Variants in ACACB observed in about 807,000 individuals in gnomAD.
ACACB encodes acetyl-CoA carboxylase beta, also known as acetyl-CoA carboxylase 2.
In ACACB, 209 loss-of-function variants were observed where a neutral mutation model predicts 278.8. The observed-to-expected ratio is 0.75, with a 90% CI of 0.67 to 0.84. The LOEUF (loss-of-function observed/expected upper bound fraction) is 0.84, where lower values mean the gene tolerates loss of function less well. Among genes scored for constraint, ACACB ranks in the 40% least tolerant of loss-of-function variants. The pLI is 0.00. For missense variants in ACACB, 2,850 were observed against 3,269.0 expected, an observed-to-expected ratio of 0.87 and a Z score of 3.13; for synonymous variants, 1,174 against 1,285.6, an observed-to-expected ratio of 0.91 and a Z score of 1.86.
intron 4 of ACACB, 69 bp from the exon 5 acceptor site, chr12:109,171,736 C>A: frequency 8.5e-7 from 1 of 1,180,582 alleles, no homozygotes; most frequent in Non-Finnish European, 1.3e-6. Context: ...ATAGTCACAT[C>A]TTGTAATGTT....
At chr12:109,167,641 ATATATATATATATT>A (rs1218235179) in intron 3 of ACACB, among the ~76,000 whole-genome samples, 3 of 135,098 alleles carry the variant, frequency 2.2e-5, no homozygotes, top group Admixed American at 1.5e-4. Context: ...ATATATATAT[ATATATATATATATT>A]TCAGACAAAC....
Position 109,172,325 on chromosome 12 carries a change from G to A in ACACB, c.1086G>A (p.Glu362=). The change falls in exon 6 of 53, where the codon GAG becomes GAA. Residue 362 remains glutamate, a synonymous_variant. Coordinates refer to ENST00000338432, the MANE Select transcript of ACACB (RefSeq NM_001093.4). ...GHASENPKLP[E]LLCKNGVAFL... is the part of the protein sequence containing the mutation. ...CTTCAGAAAACCCTAAACTTCCGGA[G>A]CTGCTGTGCAAGAATGGAGTTGCTT... The A allele has an allele frequency of 1.2e-6, 2 of 1,614,166 alleles. No homozygotes were observed. The highest frequency in any genetic ancestry group is 1.7e-6 in the Non-Finnish European group (2 of 1,180,046).
At chr12:109,137,537 G>C (rs2042996581) in intron 1 of ACACB, among the ~76,000 whole-genome samples, 1 of 151,860 alleles carries the variant, frequency 6.6e-6, no homozygotes, top group Admixed American at 6.6e-5. Context: ...GGGGGCACCT[G>C]TAATCCCAGC....
At chr12:109,196,026 A>G (rs946316918) in intron 16 of ACACB, among the ~76,000 whole-genome samples, 1 of 152,216 alleles carries the variant, frequency 6.6e-6, no homozygotes, top group African/African-American at 2.4e-5. Flanking sequence ...ATTACAAATA[A>G]TGCTGCAATA....
In ACACB at chr12:109,251,019, C is replaced by T. The variant is rs565186732; in HGVS notation, c.5790+915C>T. 5.5e-4 allele frequency among the ~76,000 whole-genome samples: 83 copies of T among 152,248 alleles called. 4 individuals carry two copies. Among genetic ancestry groups the T allele is most frequent in the South Asian group, 1.0e-3 (5 of 4,822 alleles). On this transcript the variant is annotated intron_variant, in intron 41 of 52. Coordinates refer to ENST00000338432, the MANE Select transcript of ACACB (RefSeq NM_001093.4). Reference sequence around the variant, plus strand: ...CAGCACTTAGGAGGGGCCGCATGAACAGTGTGTTTACTGAAGTTGTGTGCA... The same window carrying T: ...CAGCACTTAGGAGGGGCCGCATGAATAGTGTGTTTACTGAAGTTGTGTGCA...
At chr12:109,132,929 T>C (rs763365319) in intron 1 of ACACB, among the ~76,000 whole-genome samples, 3 of 152,298 alleles carry the variant, frequency 2.0e-5, no homozygotes, top group Non-Finnish European at 4.4e-5. Context: ...GCCTCCGCTG[T>C]ACAACTTGCA....
At chr12:109,118,035 C>A (rs1334237319) in intron 1 of ACACB, among the ~76,000 whole-genome samples, 1 of 152,178 alleles carries the variant, frequency 6.6e-6, no homozygotes, top group African/African-American at 2.4e-5. Flanking sequence ...CAGGCATGAG[C>A]CACCGCGCCT....
intron 1 of ACACB, among the ~76,000 whole-genome samples, chr12:109,135,542 T>C (rs1234449514): frequency 2.0e-5 from 3 of 151,740 alleles, no homozygotes. Flanking sequence ...AATTTACCTA[T>C]TTTTTCTTAT....
intron 44 of ACACB, 36 bp downstream of exon 44, chr12:109,254,370 CG>C (rs1739085929): frequency 6.4e-7 from 1 of 1,574,628 alleles, no homozygotes; most frequent in African/African-American, 1.6e-5. Flanking sequence ...GACCTGGTCT[CG>C]GGTTTCTTTC....
chr12:109,188,234 C>CTTCT (rs1378596057), intron 13 of ACACB, 72 bp downstream of exon 13: 1 of 1,320,116 alleles, frequency 7.6e-7, no homozygotes, highest in East Asian at 2.5e-5. Context: ...TCCTTCCTTC[C>CTTCT]CTCTCTCCCT....
chr12:109,166,906 C>G lies in ACACB; in HGVS notation c.699C>G (p.His233Gln). The change falls in exon 3 of 53, where the codon CAC becomes CAG. Residue 233 changes from histidine (H) to glutamine (Q), a missense_variant. Physicochemically the swap from His to Gln is conservative, Grantham distance 24 (BLOSUM62 0). Coordinates refer to ENST00000338432, the MANE Select transcript of ACACB (RefSeq NM_001093.4). Reference protein sequence around the residue: ...GLHLVKRGREHKKLDLHRDFT... With the variant: ...GLHLVKRGREQKKLDLHRDFT... ...ACCTGGTGAAGAGGGGACGGGAACA[C>G]AAGAAGCTGGACCTGCACAGAGACT... 3 of 1,614,068 alleles carry G rather than the reference C, an allele frequency of 1.9e-6. No individual in the cohort carries two copies. The highest frequency in any genetic ancestry group is 1.6e-4 in the Middle Eastern group (1 of 6,062).
At position 109,241,074 on chromosome 12, in the gene ACACB, G is replaced by A. The variant is rs371476953; in HGVS notation, c.4819-4G>A. Reference sequence around the variant, plus strand: ...GAAACTGGAATTGCTGTGTTTTGGGGCAGATCGAGGAGTCCGTGCGCTACA... The same window carrying A: ...GAAACTGGAATTGCTGTGTTTTGGGACAGATCGAGGAGTCCGTGCGCTACA... On this transcript the variant is annotated splice_region_variant and splice_polypyrimidine_tract_variant and intron_variant, in intron 35 of 52. Coordinates refer to ENST00000338432, the MANE Select transcript of ACACB (RefSeq NM_001093.4). 9.9e-5 allele frequency: 159 copies of A among 1,613,176 alleles called. No individual in the cohort carries two copies. The African/African-American group carries it at 1.7e-3, about 18-fold the overall frequency.
Position 109,145,395 on chromosome 12 carries a change from C to T in ACACB, c.653+5337C>T, listed in dbSNP as rs147430703. 3.3e-3 allele frequency among the ~76,000 whole-genome samples: 500 copies of T among 152,242 alleles called. 6 individuals are homozygous for T. The highest frequency in any genetic ancestry group is 0.011 in the African/African-American group (475 of 41,534). ...GTGGTGAAGCCTGGGCTTTTACGAG[C>T]CATTGCTTGCATAGTGTACATTGTA... On this transcript the variant is annotated intron_variant, in intron 2 of 52. Coordinates refer to ENST00000338432, the MANE Select transcript of ACACB (RefSeq NM_001093.4).
intron 1 of ACACB, among the ~76,000 whole-genome samples, chr12:109,137,044 T>A (rs1473084176): frequency 1.3e-5 from 2 of 152,220 alleles, no homozygotes; most frequent in Non-Finnish European, 2.9e-5. Flanking sequence ...GTTGTTATCA[T>A]GAAAGGGTGT....
chr12:109,226,475 G>A (rs565368237), intron 27 of ACACB, among the ~76,000 whole-genome samples: 219 of 152,124 alleles, frequency 1.4e-3, no homozygotes, highest in Non-Finnish European at 2.6e-3. Flanking sequence ...CAAGGCGGGC[G>A]GATCACCTGA....
chr12:109,178,896 C>T (rs2044364268), intron 9 of ACACB, among the ~76,000 whole-genome samples, 192 bp from the exon 10 acceptor site: 1 of 152,206 alleles, frequency 6.6e-6, no homozygotes, highest in East Asian at 1.9e-4. Context: ...CCCCTTTCTC[C>T]TCGTTACTGT....
chr12:109,191,345 C>G (rs1766746198), intron 13 of ACACB: 1 of 334,616 alleles, frequency 3.0e-6, no homozygotes, highest in African/African-American at 2.1e-5. Flanking sequence ...TCCTGAGTAG[C>G]TGAGATTACA....
chr12:109,261,184 G>A (rs1314821253), intron 48 of ACACB, among the ~76,000 whole-genome samples: 2 of 152,200 alleles, frequency 1.3e-5, no homozygotes, highest in South Asian at 2.1e-4. Flanking sequence ...ACTTTGAAGT[G>A]AAAACTACAT....
chr12:109,144,035 A>C (rs2043181743), intron 2 of ACACB, among the ~76,000 whole-genome samples: 1 of 151,984 alleles, frequency 6.6e-6, no homozygotes, highest in Non-Finnish European at 1.5e-5. Flanking sequence ...AAATGAGGCC[A>C]GGTAAGGTGG....
Sources: gnomAD v4.1 joint callset for allele counts (sites outside exome capture counted in the v4.1 genomes callset) on GRCh38, gnomAD v4.1.1 for gene constraint, MANE v1.5 for transcripts, NCBI Gene and HGNC (gene_info 2026-07-23, HGNC 2026-07-21) for gene names.